The following DMD variants were observed in gnomAD, a reference collection of about 807,000 sequenced individuals.
The protein encoded by DMD is mutant dystrophin.
In DMD, 63 loss-of-function variants were observed where a neutral mutation model predicts 330.1. That is an observed-to-expected ratio of 0.19 (90% CI 0.16 to 0.24). The LOEUF is 0.24. DMD is among the 10% of genes least tolerant of loss of function. DMD has a pLI of 1.00. For missense variants in DMD, 3,344 were observed against 2,684.1 expected (o/e 1.25, Z -5.43); for synonymous variants, 1,223 against 959.8 (o/e 1.27, Z -5.07).
At chrX:32,729,225 C>T (rs2067242504) in intron 7 of DMD, among the ~76,000 whole-genome samples, 1 of 111,705 alleles carries the variant, frequency 9.0e-6, no homozygotes, top group African/African-American at 3.3e-5. Flanking sequence ...GGATGCTCAA[C>T]TCGTATGTAT....
intron 7 of DMD, among the ~76,000 whole-genome samples, chrX:32,705,632 G>T (rs1046853630): frequency 1.8e-5 from 2 of 111,275 alleles, no homozygotes; most frequent in Non-Finnish European, 3.8e-5. Flanking sequence ...TGGCCAACAC[G>T]GTGAAAAGCC....
intron 48 of DMD, among the ~76,000 whole-genome samples, chrX:31,863,611 A>G (rs1003314689): frequency 1.8e-5 from 2 of 111,922 alleles, no homozygotes; most frequent in Non-Finnish European, 3.8e-5. Flanking sequence ...TTCATTTTCA[A>G]TAACTATCCA....
intron 41 of DMD, among the ~76,000 whole-genome samples, chrX:32,340,753 G>A (rs755245198): frequency 1.9e-4 from 21 of 111,772 alleles, no homozygotes; most frequent in Non-Finnish European, 3.4e-4. Flanking sequence ...TTTTGCATCT[G>A]CAGACACAGG....
chrX:31,209,409 G>T, intron 65 of DMD, 89 bp downstream of exon 65: 3 of 896,681 alleles, frequency 3.3e-6, no homozygotes, highest in South Asian at 2.0e-5. Flanking sequence ...AGCTTCCAGG[G>T]CCCTGTTGTA....
chrX:32,435,893 GC>G (rs1312007935), intron 29 of DMD, among the ~76,000 whole-genome samples: 1 of 111,519 alleles, frequency 9.0e-6, no homozygotes, highest in Non-Finnish European at 1.9e-5. Context: ...GCTTCCTGGA[GC>G]CCCACCTCAT....
At chrX:32,380,429 T>C (rs1168303198) in intron 34 of DMD, 81 bp downstream of exon 34, 3 of 883,609 alleles carry the variant, frequency 3.4e-6, no homozygotes, top group Non-Finnish European at 3.3e-6. Context: ...CTATTATTGC[T>C]ACATGTTAAT....
intron 41 of DMD, among the ~76,000 whole-genome samples, chrX:32,329,277 T>C (rs1440666755): frequency 8.9e-6 from 1 of 112,317 alleles, no homozygotes; most frequent in Non-Finnish European, 1.9e-5. Flanking sequence ...AGAATGGATG[T>C]GGCGAACGAC....
chrX:32,342,651 T>C (rs999419684), intron 40 of DMD: 1 of 264,233 alleles, frequency 3.8e-6, no homozygotes, highest in Non-Finnish European at 6.7e-6. Context: ...AGTTATTTAT[T>C]TCCTTTTTAA....
At position 32,173,066 on chromosome X, in the gene DMD, G is replaced by GGGGTGTGTGTGTGT. The variant is rs1246394111; in HGVS notation, c.6438+43849_6438+43850insACACACACACACCC. Among the ~76,000 whole-genome samples, 71 of 89,625 alleles carry GGGGTGTGTGTGTGT rather than the reference G, an allele frequency of 7.9e-4. 1 individual carries two copies. The highest frequency in any genetic ancestry group is 3.0e-3 in the African/African-American group (70 of 23,174). The allele number at this position is 89,625 out of a possible 115,157, so 77.8% of individuals were successfully genotyped here. A position where few individuals can be genotyped will look rare whatever the true frequency, so the allele number is the denominator to read the frequency against. On this transcript the variant is annotated intron_variant, in intron 44 of 78. Transcript: ENST00000357033. ...TTTTCAGCTTGTGATACCTGATTTT[G>GGGGTGTGTGTGTGT]GTGTGTGTGTGTGTGTGTGTGTGTG... is the stretch of plus-strand genomic sequence containing the variant.
intron 29 of DMD, 46 bp downstream of exon 29, chrX:32,438,195 C>T (rs1258408534): frequency 1.7e-6 from 2 of 1,182,073 alleles, no homozygotes; most frequent in Non-Finnish European, 1.2e-6. Context: ...ATCTGCTATA[C>T]ATTAATGCAA....
chrX:31,388,160 C>T (rs1204886028), intron 60 of DMD, among the ~76,000 whole-genome samples: 41 of 108,631 alleles, frequency 3.8e-4, no homozygotes, highest in Admixed American at 2.3e-3. Flanking sequence ...CCACCAAGCC[C>T]GGCTAATTTT....
intron 42 of DMD, among the ~76,000 whole-genome samples, chrX:32,290,710 T>C (rs780943773): frequency 2.7e-5 from 3 of 112,039 alleles, no homozygotes; most frequent in Admixed American, 9.5e-5. Context: ...TAAGGAGCAA[T>C]ATAGCAGAAA....
At chrX:31,332,203 G>C (rs2057167174) in intron 61 of DMD, among the ~76,000 whole-genome samples, 1 of 111,619 alleles carries the variant, frequency 9.0e-6, no homozygotes, top group Non-Finnish European at 1.9e-5. Context: ...CTTTAGTCTG[G>C]GGCTCACAAC....
chrX:31,557,996 A>C (rs1480548773), intron 55 of DMD, among the ~76,000 whole-genome samples: 4 of 111,758 alleles, frequency 3.6e-5, no homozygotes, highest in Non-Finnish European at 7.5e-5. Flanking sequence ...AAAATATTGC[A>C]GAATTGGAAT....
chrX:31,187,373 C>T (rs949526752), intron 67 of DMD, among the ~76,000 whole-genome samples: 2 of 111,943 alleles, frequency 1.8e-5, no homozygotes, highest in African/African-American at 6.5e-5. Context: ...TCATATGACA[C>T]GGCTTAGTTT....
chrX:33,177,381 ATTTTG>A lies in DMD; in HGVS notation c.31+33896_31+33900del, dbSNP rs775268189. ...AGTATACAAACGGAAATTTTATTTT[ATTTTG>A]TTTTATTTATTTTTTTGAGACAGGG... On this transcript the variant is annotated intron_variant, in intron 1 of 78. Coordinates refer to ENST00000357033, the MANE Select transcript of DMD (RefSeq NM_004006.3). 6.0e-4 allele frequency among the ~76,000 whole-genome samples: 66 copies of A among 110,863 alleles called. No homozygotes were observed. In the East Asian group the frequency reaches 0.017, roughly 28 times the overall value.
At chrX:31,589,684 A>T (rs2076782076) in intron 55 of DMD, among the ~76,000 whole-genome samples, 1 of 111,734 alleles carries the variant, frequency 8.9e-6, no homozygotes, top group East Asian at 2.8e-4. Flanking sequence ...GTAAGCAATG[A>T]TATCTTAAAA....
At position 31,455,365 on chromosome X, in the gene DMD, C is replaced by T. The variant is rs1452101486; in HGVS notation, c.8938-10738G>A. Among the ~76,000 whole-genome samples, 3 of 111,219 alleles carry T rather than the reference C, an allele frequency of 2.7e-5. No homozygotes were observed. In the East Asian group the frequency reaches 8.4e-4, roughly 31 times the overall value. Reference sequence around the variant, plus strand: ...ATTCATTGTCTGTTCCTTCCCAAGACCAGAAAATTTATTAAGGCAATCCTA... The same window carrying T: ...ATTCATTGTCTGTTCCTTCCCAAGATCAGAAAATTTATTAAGGCAATCCTA... On this transcript the variant is annotated intron_variant, in intron 59 of 78. Coordinates refer to ENST00000357033, the MANE Select transcript of DMD (RefSeq NM_004006.3).
chrX:31,725,086 C>A (rs778671240), intron 52 of DMD, among the ~76,000 whole-genome samples: 99 of 111,724 alleles, frequency 8.9e-4, no homozygotes, highest in African/African-American at 3.2e-3. Flanking sequence ...GACTAACCAG[C>A]CTTTTCCATT....
Sources: gnomAD v4.1 joint callset for allele counts (sites outside exome capture counted in the v4.1 genomes callset) on GRCh38, gnomAD v4.1.1 for gene constraint, MANE v1.5 for transcripts, NCBI Gene and HGNC (gene_info 2026-07-23, HGNC 2026-07-21) for gene names.